Variants in MAP4K4 observed in about 807,000 individuals in gnomAD.
MAP4K4 encodes HPK/GCK-like kinase HGK.
Under a neutral mutation model 189.6 loss-of-function variants are expected in MAP4K4, and 38 were observed. The observed-to-expected ratio is 0.20, with a 90% CI of 0.15 to 0.26. MAP4K4 has a LOEUF of 0.26. Ranked by LOEUF, MAP4K4 falls within the 10% of genes least tolerant of loss-of-function variation. The pLI, the probability that MAP4K4 is intolerant of heterozygous loss-of-function variation, is 1.00. For missense variants in MAP4K4, 1,054 were observed against 1,726.9 expected, an observed-to-expected ratio of 0.61 and a Z score of 6.91; for synonymous variants, 610 against 624.3, an observed-to-expected ratio of 0.98 and a Z score of 0.34.
intron 2 of MAP4K4, among the ~76,000 whole-genome samples, chr2:101,748,922 G>A (rs1381111586): frequency 7.2e-6 from 1 of 139,454 alleles, no homozygotes; most frequent in Non-Finnish European, 1.5e-5. Flanking sequence ...GCTTCAAAGA[G>A]AATAAAATAC....
At chr2:101,848,662 A>C (rs1365693343) in intron 12 of MAP4K4, among the ~76,000 whole-genome samples, 1 of 152,090 alleles carries the variant, frequency 6.6e-6, no homozygotes, top group Non-Finnish European at 1.5e-5. Flanking sequence ...CCCTTTTTGC[A>C]GGTGAGGGAG....
At chr2:101,730,504 G>C (rs1401055104) in intron 2 of MAP4K4, among the ~76,000 whole-genome samples, 1 of 152,132 alleles carries the variant, frequency 6.6e-6, no homozygotes, top group Non-Finnish European at 1.5e-5. Flanking sequence ...AAGGTTGGGT[G>C]GGGGAAGGAG....
chr2:101,786,166 G>T (rs1463285290), intron 2 of MAP4K4, among the ~76,000 whole-genome samples: 1 of 152,056 alleles, frequency 6.6e-6, no homozygotes, highest in Non-Finnish European at 1.5e-5. Context: ...CCTTTTGAAT[G>T]CTGTTTCTTC....
intron 13 of MAP4K4, 116 bp downstream of exon 13, chr2:101,856,254 C>G: frequency 1.1e-6 from 1 of 917,616 alleles, no homozygotes. Flanking sequence ...TACACACATA[C>G]ACATATACTT....
At chr2:101,889,612 C>G (rs2098536846) in intron 32 of MAP4K4, among the ~76,000 whole-genome samples, 1 of 152,176 alleles carries the variant, frequency 6.6e-6, no homozygotes, top group Non-Finnish European at 1.5e-5. Context: ...GAGAAGGCAT[C>G]GAGGGTGGAA....
chr2:101,859,557 A>T, intron 14 of MAP4K4, 86 bp from the exon 15 acceptor site: 2 of 1,034,586 alleles, frequency 1.9e-6, no homozygotes, highest in Non-Finnish European at 2.8e-6. Flanking sequence ...ATATATGGTC[A>T]CTTTTTTTAA....
intron 10 of MAP4K4, among the ~76,000 whole-genome samples, chr2:101,842,003 G>T (rs2096933946): frequency 6.6e-6 from 1 of 152,168 alleles, no homozygotes; most frequent in Non-Finnish European, 1.5e-5. Context: ...TTGAAGTCTG[G>T]CCTAAGTAGA....
intron 2 of MAP4K4, among the ~76,000 whole-genome samples, chr2:101,786,414 A>C (rs969089578): frequency 1.3e-5 from 2 of 152,058 alleles, no homozygotes; most frequent in Admixed American, 6.6e-5. Context: ...TAAAAAAAAA[A>C]CATACATTTT....
chr2:101,890,230 T>C (rs2098545716), intron 32 of MAP4K4, among the ~76,000 whole-genome samples: 1 of 152,256 alleles, frequency 6.6e-6, no homozygotes, highest in South Asian at 2.1e-4. Context: ...TCCGTGATGC[T>C]CATTGTGTTT....
At chr2:101,821,877 AGC>A (rs1158946920) in intron 3 of MAP4K4, among the ~76,000 whole-genome samples, 2 of 152,216 alleles carry the variant, frequency 1.3e-5, no homozygotes, top group Non-Finnish European at 2.9e-5. Flanking sequence ...TATCTTTGTA[AGC>A]TTTTTTCTTT....
intron 3 of MAP4K4, among the ~76,000 whole-genome samples, chr2:101,818,485 A>T (rs1204725535): frequency 6.6e-6 from 1 of 152,182 alleles, no homozygotes; most frequent in Non-Finnish European, 1.5e-5. Flanking sequence ...GTCCTCTTGG[A>T]TTCCAGTTAG....
At chr2:101,869,289 T>G (rs1445492283) in intron 21 of MAP4K4, among the ~76,000 whole-genome samples, 3 of 152,020 alleles carry the variant, frequency 2.0e-5, no homozygotes, top group African/African-American at 7.2e-5. Flanking sequence ...TATATACATT[T>G]GTTGATCTAG....
intron 2 of MAP4K4, among the ~76,000 whole-genome samples, chr2:101,726,057 C>T (rs1010943810): frequency 4.6e-5 from 7 of 152,360 alleles, no homozygotes; most frequent in Admixed American, 1.3e-4. Context: ...ACCGCTTCCT[C>T]AGGTTGGGTA....
At chr2:101,842,565 A>G in intron 10 of MAP4K4, 44 bp from the exon 11 acceptor site, 2 of 1,425,866 alleles carry the variant, frequency 1.4e-6, no homozygotes, top group Non-Finnish European at 9.7e-7. Flanking sequence ...GGCGTGTGTC[A>G]GGACTTGTGA....
intron 15 of MAP4K4, chr2:101,860,541 AT>A: frequency 3.8e-6 from 1 of 264,800 alleles, no homozygotes; most frequent in Non-Finnish European, 7.1e-6. Context: ...TGACAGATTA[AT>A]TTTTTTCTAC....
intron 2 of MAP4K4, among the ~76,000 whole-genome samples, chr2:101,785,334 G>T (rs1161824642): frequency 6.6e-6 from 1 of 152,208 alleles, no homozygotes; most frequent in African/African-American, 2.4e-5. Context: ...ATGTGAGGTG[G>T]TGGCACCATT....
chr2:101,808,521 A>G (rs1388150990), intron 3 of MAP4K4, among the ~76,000 whole-genome samples: 1 of 151,370 alleles, frequency 6.6e-6, no homozygotes, highest in Non-Finnish European at 1.5e-5. Flanking sequence ...ATTAAAATGT[A>G]TTCCCCCTGT....
At chr2:101,746,595 C>T (rs1251134268) in intron 2 of MAP4K4, among the ~76,000 whole-genome samples, 2 of 151,982 alleles carry the variant, frequency 1.3e-5, no homozygotes, top group African/African-American at 2.4e-5. Flanking sequence ...TAGAATGAGA[C>T]CTTGCTATAA....
intron 2 of MAP4K4, among the ~76,000 whole-genome samples, chr2:101,744,739 A>T (rs1558689090): frequency 6.6e-6 from 1 of 152,146 alleles, no homozygotes; most frequent in African/African-American, 2.4e-5. Flanking sequence ...TTTCTGGCCA[A>T]CTGTTCTTTG....
Sources: gnomAD v4.1 joint callset for allele counts (sites outside exome capture counted in the v4.1 genomes callset) on GRCh38, gnomAD v4.1.1 for gene constraint, MANE v1.5 for transcripts, NCBI Gene and HGNC (gene_info 2026-07-23, HGNC 2026-07-21) for gene names.